MRNIP: variants seen among roughly 807,000 people sequenced by gnomAD.
MRNIP encodes MRN complex interacting protein.
In MRNIP, 30 loss-of-function variants were observed where a neutral mutation model predicts 29.8. That is an observed-to-expected ratio of 1.01 (90% CI 0.75 to 1.36). The LOEUF (loss-of-function observed/expected upper bound fraction) is 1.36. Ranked by LOEUF, MRNIP falls within the 40% of genes most tolerant of loss-of-function variation. The pLI, the probability that MRNIP is intolerant of heterozygous loss-of-function variation, is 0.00. For synonymous variants in MRNIP, 201 were observed against 164.1 expected, an observed-to-expected ratio of 1.23 and a Z score of -1.72; for missense variants, 459 against 423.5, an observed-to-expected ratio of 1.08 and a Z score of -0.74.
At chr5:179,847,158 TTAC>T (rs1360754524) in intron 3 of MRNIP, 4 of 137,012 alleles carry the variant, frequency 2.9e-5, no homozygotes, top group African/African-American at 5.4e-5. Context: ...TGAGAGTTAC[TTAC>T]TTTTTTTTTT....
chr5:179,855,104 C>T (rs968610336), intron 1 of MRNIP, among the ~76,000 whole-genome samples: 1 of 152,078 alleles, frequency 6.6e-6, no homozygotes, highest in Non-Finnish European at 1.5e-5. Flanking sequence ...GATCTGCAGA[C>T]CTCGGCCTCC....
Position 179,837,596 on chromosome 5 carries a change from A to G in MRNIP, c.827T>C (p.Leu276Pro). The change falls in exon 7 of 7, where the codon CTC becomes CCC. Residue 276 changes from leucine (L) to proline (P), a missense_variant. Coordinates refer to ENST00000292586, the MANE Select transcript of MRNIP (RefSeq NM_016175.4). ...CTGGACAGCGGCAGTGGGCCTGCTGAGGCCTTCTCTTGAGGCCTGTGCTCT... is the reference window on the plus strand; with the variant it reads ...CTGGACAGCGGCAGTGGGCCTGCTGGGGCCTTCTCTTGAGGCCTGTGCTCT... ...TPRAQASREG[L>P]SRPTAAVQLP... 6.2e-7 allele frequency: 1 copy of G among 1,614,128 alleles called. No individual in the cohort carries two copies. The highest frequency in any genetic ancestry group is 1.3e-5 in the African/African-American group (1 of 75,060).
At chr5:179,843,055 A>AAGGAAGGAAGGAAGGAAGGG (rs1758974354) in intron 4 of MRNIP, among the ~76,000 whole-genome samples, 2 of 121,596 alleles carry the variant, frequency 1.6e-5, no homozygotes, top group Non-Finnish European at 3.6e-5. Context: ...GGAAGGAAGG[A>AAGGAAGGAAGGAAGGAAGGG]AGGAAGGGAG....
chr5:179,847,683 C>T (rs1440641552), intron 3 of MRNIP: 5 of 271,500 alleles, frequency 1.8e-5, no homozygotes, highest in Non-Finnish European at 2.8e-5. Context: ...CAAGAGCCTT[C>T]AGCTCTGGAG....
In MRNIP at chr5:179,848,039, A is replaced by G; in HGVS notation, c.154T>C (p.Cys52Arg). ...TTTAACTTTTGGACATGGCGTCTACAATCAGCACCAGAGCCTTCACCATAA... is the reference window on the plus strand; with the variant it reads ...TTTAACTTTTGGACATGGCGTCTACGATCAGCACCAGAGCCTTCACCATAA... Reference protein sequence around the residue: ...QAYGEGSGADCRRHVQKLNLL... With the variant: ...QAYGEGSGADRRRHVQKLNLL... Residue 52 changes from cysteine (C) to arginine (R), a missense_variant, in exon 3 of 7, where the codon TGT becomes CGT. By Grantham distance (180) the Cys-to-Arg change is radical. Coordinates refer to ENST00000292586, the MANE Select transcript of MRNIP (RefSeq NM_016175.4). 2 of 1,614,060 alleles carry G rather than the reference A, an allele frequency of 1.2e-6. No individual in the cohort carries two copies. The highest frequency in any genetic ancestry group is 1.7e-6 in the Non-Finnish European group (2 of 1,179,908).
chr5:179,845,425 A>G (rs1340666392), intron 3 of MRNIP, among the ~76,000 whole-genome samples: 1 of 152,114 alleles, frequency 6.6e-6, no homozygotes, highest in African/African-American at 2.4e-5. Context: ...CTAGGATTAC[A>G]GGCATGAGCC....
chr5:179,840,557 G>C, intron 6 of MRNIP: 1 of 497,536 alleles, frequency 2.0e-6, no homozygotes, highest in South Asian at 3.1e-5. Context: ...AAAGGTCCCC[G>C]TGCTCCACGC....
chr5:179,839,389 T>G (rs886333278), intron 6 of MRNIP: 2 of 152,252 alleles, frequency 1.3e-5, no homozygotes, highest in Non-Finnish European at 2.9e-5. Flanking sequence ...AAACTTGACG[T>G]TGGCTTTGCC....
At chr5:179,841,290 A>G (rs1436627126) in intron 5 of MRNIP, 3 of 316,660 alleles carry the variant, frequency 9.5e-6, no homozygotes, top group African/African-American at 6.5e-5. Flanking sequence ...ATGCACCACC[A>G]TGCCCCATGA....
chr5:179,844,020 G>A (rs1400152171), intron 4 of MRNIP, 132 bp downstream of exon 4: 1 of 734,674 alleles, frequency 1.4e-6, no homozygotes, highest in Non-Finnish European at 2.4e-6. Flanking sequence ...TGTGTTCCCT[G>A]CAGCTTTAAG....
chr5:179,854,082 G>A (rs62407261), intron 1 of MRNIP, among the ~76,000 whole-genome samples: 11,999 of 147,730 alleles, frequency 0.081, 690 homozygotes, highest in Non-Finnish European at 0.13. Context: ...GTGCAGCGGC[G>A]CAATCTCGGC....
chr5:179,852,383 T>C (rs1366070961), intron 2 of MRNIP, among the ~76,000 whole-genome samples: 3 of 152,100 alleles, frequency 2.0e-5, no homozygotes, highest in African/African-American at 7.2e-5. Context: ...GAGGTTTTTG[T>C]GAAAAGCTTC....
At chr5:179,843,034 G>GGAGGAAAGAA (rs145375634) in intron 4 of MRNIP, among the ~76,000 whole-genome samples, 1,817 of 102,668 alleles carry the variant, frequency 0.018, 32 homozygotes, top group East Asian at 0.053. Context: ...TCTGTCGAAA[G>GGAGGAAAGAA]GAGGAAAGAA....
At chr5:179,840,794 C>A in intron 6 of MRNIP, 78 bp downstream of exon 6, 1 of 1,096,616 alleles carries the variant, frequency 9.1e-7, no homozygotes, top group Non-Finnish European at 1.4e-6. Context: ...CACACTTCGT[C>A]AACTGTGACA....
chr5:179,842,133 C>A, intron 4 of MRNIP, 69 bp from the exon 5 acceptor site: 1 of 1,494,978 alleles, frequency 6.7e-7, no homozygotes. Flanking sequence ...AACCCCTAGC[C>A]CAACTCTTGG....
intron 4 of MRNIP, among the ~76,000 whole-genome samples, chr5:179,842,758 C>T (rs866431524): frequency 2.8e-5 from 4 of 141,172 alleles, no homozygotes; most frequent in East Asian, 2.1e-4. Flanking sequence ...CATGGCCAGG[C>T]GCGGTGGCTC....
chr5:179,837,917 G>T, intron 6 of MRNIP, 32 bp from the exon 7 acceptor site: 1 of 1,584,372 alleles, frequency 6.3e-7, no homozygotes, highest in African/African-American at 1.3e-5. Context: ...CCCTCCATGT[G>T]TAAGAACAAT....
intron 1 of MRNIP, among the ~76,000 whole-genome samples, chr5:179,856,397 AAAG>A (rs1759582660): frequency 6.6e-6 from 1 of 152,184 alleles, no homozygotes; most frequent in Non-Finnish European, 1.5e-5. Context: ...TAAACGTGTT[AAAG>A]TAGTACACAG....
At chr5:179,855,305 C>T (rs934751373) in intron 1 of MRNIP, among the ~76,000 whole-genome samples, 8 of 152,094 alleles carry the variant, frequency 5.3e-5, no homozygotes, top group East Asian at 1.9e-4. Context: ...CCACCACGCC[C>T]GGCTAACTTT....
Sources: allele counts gnomAD v4.1 joint callset (sites outside exome capture counted in the v4.1 genomes callset), GRCh38; gene constraint gnomAD v4.1.1; transcripts MANE v1.5; gene names NCBI Gene and HGNC (gene_info 2026-07-23, HGNC 2026-07-21).